CDHR1: variants seen among roughly 807,000 people sequenced by gnomAD.
The protein encoded by CDHR1 is cadherin-related family member 1.
A neutral mutation model predicts 72.1 loss-of-function variants in CDHR1; 61 were observed. The observed-to-expected ratio is 0.85, with a 90% CI of 0.69 to 1.05. The LOEUF is 1.05. Ranked by LOEUF, CDHR1 falls within the 50% of genes least tolerant of loss-of-function variation. The probability of loss-of-function intolerance (pLI) is 0.00; values close to 1 mark genes in which losing one functional copy is unlikely to be tolerated. For missense variants in CDHR1, 1,186 were observed against 1,115.7 expected (o/e 1.06, Z -0.90); for synonymous variants, 470 against 448.1 (o/e 1.05, Z -0.62).
At chr10:84,207,057 G>A (rs1424302198) in intron 10 of CDHR1, among the ~76,000 whole-genome samples, 9 of 152,132 alleles carry the variant, frequency 5.9e-5, no homozygotes, top group African/African-American at 2.2e-4. Flanking sequence ...AGGTGAGGAA[G>A]GATGCATTTG....
rs920653365 is a variant in CDHR1, at chr10:84,217,868, G to A, written c.*3247G>A. On this transcript the variant is annotated 3_prime_UTR_variant, in exon 17 of 17. Coordinates refer to ENST00000623527, the MANE Select transcript of CDHR1 (RefSeq NM_033100.4). The stretch of plus-strand genomic sequence containing the variant: ...TGCATTTGGGCGTTGACATTCCAGG[G>A]GAGTTAGGAACAATGAGAGGTCTCT... The A allele has an allele frequency of 1.0e-6, 1 of 985,352 alleles. No individual in the cohort carries two copies. Among genetic ancestry groups the A allele is most frequent in the Non-Finnish European group, 1.2e-6 (1 of 829,984 alleles). 61.0% of individuals were successfully genotyped at this position (985,352 alleles called of 1,614,324 possible). A position where few individuals can be genotyped will look rare whatever the true frequency, so the allele number is the denominator to read the frequency against.
rs755578389 is a variant in CDHR1, at chr10:84,201,856, T to G, written c.575T>G (p.Leu192Arg). ...GACCGCCACAGCGGTGTGCTGCGCCTCCAGGCTGGGGCCACTCTGGACTAC... is the reference window on the plus strand; with the variant it reads ...GACCGCCACAGCGGTGTGCTGCGCCGCCAGGCTGGGGCCACTCTGGACTAC... ...AVDRHSGVLR[L>R]QAGATLDYER... The change falls in exon 7 of 17, where the codon CTC becomes CGC. Residue 192 changes from leucine (L) to arginine (R), a missense_variant. Transcript: ENST00000623527. The G allele has an allele frequency of 6.2e-7, 1 of 1,609,884 alleles. No homozygotes were observed. Among genetic ancestry groups the G allele is most frequent in the Non-Finnish European group, 8.5e-7 (1 of 1,179,996 alleles).
Position 84,216,547 on chromosome 10 carries a change from G to A in CDHR1, c.*1926G>A. The stretch of plus-strand genomic sequence containing the variant: ...AGGCCATGCTGATCCCCTGCTCCCT[G>A]CTTTCATTTATGTTTGCTGACCTGT... On this transcript the variant is annotated 3_prime_UTR_variant, in exon 17 of 17. Coordinates refer to ENST00000623527, the MANE Select transcript of CDHR1 (RefSeq NM_033100.4). 1.0e-6 allele frequency: 1 copy of A among 985,470 alleles called. No individual in the cohort carries two copies. Among genetic ancestry groups the A allele is most frequent in the Non-Finnish European group, 1.2e-6 (1 of 829,944 alleles). 61.0% of individuals were successfully genotyped at this position (985,470 alleles called of 1,614,324 possible). A position where few individuals can be genotyped will look rare whatever the true frequency, so the allele number is the denominator to read the frequency against.
rs111478658 is a variant in CDHR1, at chr10:84,197,137, G to A, written c.297+487G>A. 1.5e-3 allele frequency among the ~76,000 whole-genome samples: 222 copies of A among 152,288 alleles called. 3 individuals are homozygous for A. The highest frequency in any genetic ancestry group is 5.0e-3 in the South Asian group (24 of 4,828). ...CTTTTTCAGACCGCATAGCAGCCTG[G>A]TGTGTGGCTAACTGGACCTCAGCTG... is the stretch of plus-strand genomic sequence containing the variant. On this transcript the variant is annotated intron_variant, in intron 3 of 16. Transcript: ENST00000623527.
In CDHR1 at chr10:84,217,901, T is replaced by C. The variant is rs1003839795; in HGVS notation, c.*3280T>C. 4.1e-6 allele frequency: 4 copies of C among 985,342 alleles called. No individual in the cohort carries two copies. The African/African-American group carries it at 7.0e-5, about 17-fold the overall frequency. 61.0% of individuals were successfully genotyped at this position (985,342 alleles called of 1,614,324 possible). Reference sequence around the variant, plus strand: ...GAACAATGAGAGGTCTCTAAGAACTTGTGGCACTCTGTCCTCAAGCAGCTG... The same window carrying C: ...GAACAATGAGAGGTCTCTAAGAACTCGTGGCACTCTGTCCTCAAGCAGCTG... On this transcript the variant is annotated 3_prime_UTR_variant, in exon 17 of 17. Coordinates refer to ENST00000623527, the MANE Select transcript of CDHR1 (RefSeq NM_033100.4).
In CDHR1 at chr10:84,201,815, C is replaced by T; in HGVS notation, c.534C>T (p.His178=). 2 of 1,610,364 alleles carry T rather than the reference C, an allele frequency of 1.2e-6. No individual in the cohort carries two copies. Among genetic ancestry groups the T allele is most frequent in the Non-Finnish European group, 1.7e-6 (2 of 1,179,920 alleles). ...GSVTYFLQNL[H]SPFAVDRHSG... Reference sequence around the variant, plus strand: ...CCCCCTAATTCTTATAGAACCTGCACTCCCCATTTGCCGTGGACCGCCACA... The same window carrying T: ...CCCCCTAATTCTTATAGAACCTGCATTCCCCATTTGCCGTGGACCGCCACA... The change falls in exon 7 of 17, where the codon CAC becomes CAT. Residue 178 remains histidine, a synonymous_variant. Coordinates refer to ENST00000623527, the MANE Select transcript of CDHR1 (RefSeq NM_033100.4).
In CDHR1 at chr10:84,201,701, G is replaced by T. The variant is rs74145720; in HGVS notation, c.526-106G>T. 6,560 of 868,430 alleles carry T rather than the reference G, an allele frequency of 7.6e-3. 253 individuals are homozygous for T. The African/African-American group carries it at 0.09, about 12-fold the overall frequency. The allele number at this position is 868,430 out of a possible 1,614,324, so 53.8% of individuals were successfully genotyped here. ...CTGAAGTAGGAACCTCAGCCCTGAG[G>T]TCCTGTAATGAGGGGCAGTGAGGAC... On this transcript the variant is annotated intron_variant, in intron 6 of 16. Transcript: ENST00000623527.
chr10:84,203,120 TC>T lies in CDHR1; in HGVS notation c.782del (p.Pro261ArgfsTer6), dbSNP rs1842160172. 1 of 1,614,172 alleles carries T rather than the reference TC, an allele frequency of 6.2e-7. No individual in the cohort carries two copies. Among genetic ancestry groups the T allele is most frequent in the African/African-American group, 1.3e-5 (1 of 75,054 alleles). On this transcript the variant is annotated frameshift_variant and splice_region_variant, in exon 8 of 17. Coordinates refer to ENST00000623527, the MANE Select transcript of CDHR1 (RefSeq NM_033100.4). LOFTEE classifies it high-confidence loss of function. ...ATGGCTATGTGTACGAGGACACCCTTCCGGTGGGTGGCTGTCCCCCTCAGCC... is the reference window on the plus strand; with the variant it reads ...ATGGCTATGTGTACGAGGACACCCTTCGGTGGGTGGCTGTCCCCCTCAGCC... ...YYGYVYEDTLPGSEVLKVVAM... is the reference protein window; with the variant it reads ...YYGYVYEDTLXGSEVLKVVAM...
Position 84,213,228 on chromosome 10 carries a change from C to T in CDHR1, c.1920C>T (p.Ala640=), listed in dbSNP as rs146248911. Residue 640 remains alanine, a synonymous_variant, in exon 16 of 17, where the codon GCC becomes GCT. Coordinates refer to ENST00000623527, the MANE Select transcript of CDHR1 (RefSeq NM_033100.4). ...AGAATTCCATCCGCTCCCTGGATGC[C>T]CTGCACAACATCACACCTGGAAGGG... ...WLKNSIRSLD[A]LHNITPGRDC... 9.7e-5 allele frequency: 156 copies of T among 1,614,092 alleles called. No homozygotes were observed. The highest frequency in any genetic ancestry group is 1.3e-4 in the Non-Finnish European group (150 of 1,180,046).
At chr10:84,199,943 T>A (rs991114819) in intron 5 of CDHR1, among the ~76,000 whole-genome samples, 4 of 152,152 alleles carry the variant, frequency 2.6e-5, no homozygotes, top group African/African-American at 9.7e-5. Flanking sequence ...GAGGCCGAGA[T>A]GGACAGATCA....
chr10:84,211,876 A>G (rs1842338642), intron 14 of CDHR1, among the ~76,000 whole-genome samples, 161 bp downstream of exon 14: 1 of 152,058 alleles, frequency 6.6e-6, no homozygotes, highest in African/African-American at 2.4e-5. Flanking sequence ...GAGGGTGAGG[A>G]AGTTCAGGGC....
At chr10:84,213,679 C>T (rs918809818) in intron 16 of CDHR1, among the ~76,000 whole-genome samples, 2 of 152,168 alleles carry the variant, frequency 1.3e-5, no homozygotes, top group Admixed American at 6.5e-5. Context: ...GAAAACTAGT[C>T]ACTTAAGAGA....
chr10:84,219,057 CTAT>C (rs753844645), downstream of CDHR1: 48 of 827,006 alleles, frequency 5.8e-5, no homozygotes, highest in Non-Finnish European at 8.9e-5. Context: ...CACTAATGTA[CTAT>C]TATTATTCTA....
intron 5 of CDHR1, among the ~76,000 whole-genome samples, chr10:84,200,252 G>A (rs560931016): frequency 9.9e-5 from 15 of 152,198 alleles, no homozygotes; most frequent in African/African-American, 2.9e-4. Context: ...TATGGTCCCT[G>A]GTGATCCTAA....
At position 84,205,921 on chromosome 10, in the gene CDHR1, T is replaced by G. The variant is rs748565690; in HGVS notation, c.957T>G (p.His319Gln). 9.3e-6 allele frequency: 15 copies of G among 1,612,866 alleles called. No homozygotes were observed. Among genetic ancestry groups the G allele is most frequent in the Non-Finnish European group, 1.2e-5 (14 of 1,178,852 alleles). ...AQLQREVYEL[H>Q]VQVTEMSPAG... The stretch of plus-strand genomic sequence containing the variant: ...TCCAGAGAGAGGTGTATGAGCTGCA[T>G]GTACAGGTACCCTCCCTCTAGCTTT... Residue 319 changes from histidine to glutamine, a missense_variant, in exon 10 of 17, where the codon CAT (histidine) becomes CAG (glutamine). Coordinates refer to ENST00000623527, the MANE Select transcript of CDHR1 (RefSeq NM_033100.4).
intron 2 of CDHR1, among the ~76,000 whole-genome samples, chr10:84,195,815 G>A (rs949895508): frequency 2.0e-5 from 3 of 152,348 alleles, no homozygotes; most frequent in South Asian, 2.1e-4. Context: ...AGACAGGGTC[G>A]CCCCGCGAGG....
In CDHR1 at chr10:84,214,299, T is replaced by A. The variant is rs755548090; in HGVS notation, c.2258T>A (p.Ile753Asn). ...AGCCCTGCGCCCCGCACCATCCGCA[T>A]TGAGTGGCTCAAGTCCAAGAGCACC... ...RPSPAPRTIR[I>N]EWLKSKSTKA... The change falls in exon 17 of 17, where the codon ATT (isoleucine) becomes AAT (asparagine). Residue 753 changes from isoleucine (I) to asparagine (N), a missense_variant. By Grantham distance (149) the Ile-to-Asn change is moderately radical (BLOSUM62 -3). Transcript: ENST00000623527. 16 of 1,613,934 alleles carry A rather than the reference T, an allele frequency of 9.9e-6. No individual in the cohort carries two copies. The African/African-American group carries it at 2.0e-4, about 20-fold the overall frequency.
At position 84,201,730 on chromosome 10, in the gene CDHR1, C is replaced by T. The variant is rs1401300422; in HGVS notation, c.526-77C>T. 4.1e-6 allele frequency: 5 copies of T among 1,215,234 alleles called. No individual in the cohort carries two copies. The Admixed American group carries it at 7.2e-5, about 18-fold the overall frequency. The allele number at this position is 1,215,234 out of a possible 1,614,324, so 75.3% of individuals were successfully genotyped here. On this transcript the variant is annotated intron_variant, in intron 6 of 16. Transcript: ENST00000623527. ...TGTAATGAGGGGCAGTGAGGACCCCCTTCAGAAAGCAGAGCGGGCATTCCT... is the reference window on the plus strand; with the variant it reads ...TGTAATGAGGGGCAGTGAGGACCCCTTTCAGAAAGCAGAGCGGGCATTCCT...
rs1842437177 is a variant in CDHR1, at chr10:84,217,062, A to G, written c.*2441A>G. On this transcript the variant is annotated 3_prime_UTR_variant, in exon 17 of 17. Transcript: ENST00000623527. ...ATGGATGGGGAAGTGCCCGGTAGCC[A>G]GCATGAGCCACACTAGGAAAGAGGA... 1.0e-6 allele frequency: 1 copy of G among 985,686 alleles called. No homozygotes were observed. Among genetic ancestry groups the G allele is most frequent in the Non-Finnish European group, 1.2e-6 (1 of 830,114 alleles). 61.1% of individuals were successfully genotyped at this position (985,686 alleles called of 1,614,324 possible).
Sources: gnomAD v4.1 joint callset for allele counts (sites outside exome capture counted in the v4.1 genomes callset) on GRCh38, gnomAD v4.1.1 for gene constraint, MANE v1.5 for transcripts, NCBI Gene and HGNC (gene_info 2026-07-23, HGNC 2026-07-21) for gene names.